Variants in WNK1 observed in about 807,000 individuals in gnomAD.
The protein encoded by WNK1 is WNK lysine deficient protein kinase 1.
WNK1 carries 38 observed loss-of-function variants against 222.8 expected under a neutral mutation model. The ratio of observed to expected loss-of-function variants is 0.17; its 90% CI spans 0.13 to 0.22. The LOEUF (loss-of-function observed/expected upper bound fraction) is 0.22, where lower values mean the gene tolerates loss of function less well. Ranked by LOEUF, WNK1 falls within the 10% of genes least tolerant of loss-of-function variation. The probability of loss-of-function intolerance (pLI) is 1.00; values close to 1 mark genes in which losing one functional copy is unlikely to be tolerated. For synonymous variants in WNK1, 1,090 were observed against 1,092.9 expected, an observed-to-expected ratio of 1.00 and a Z score of 0.05; for missense variants, 2,348 against 2,918.4, an observed-to-expected ratio of 0.80 and a Z score of 4.50.
intron 1 of WNK1, among the ~76,000 whole-genome samples, chr12:792,632 A>G (rs1213937882): frequency 6.6e-6 from 1 of 152,124 alleles, no homozygotes; most frequent in Non-Finnish European, 1.5e-5. Context: ...TATTCTTGTA[A>G]CAAAAAAGCT....
chr12:900,005 T>C (rs1310997080), intron 25 of WNK1, among the ~76,000 whole-genome samples: 1 of 139,450 alleles, frequency 7.2e-6, no homozygotes, highest in Non-Finnish European at 1.5e-5. Context: ...CTATTACCTA[T>C]GGATTCTTTT....
At chr12:878,162 A>G in intron 9 of WNK1, 50 bp from the exon 10 acceptor site, 1 of 1,611,358 alleles carries the variant, frequency 6.2e-7, no homozygotes, top group Non-Finnish European at 8.5e-7. Context: ...CCTTAGAAAC[A>G]TGCTGTTATT....
At chr12:862,592 G>A (rs183840230) in intron 8 of WNK1, among the ~76,000 whole-genome samples, 5 of 152,316 alleles carry the variant, frequency 3.3e-5, no homozygotes, top group African/African-American at 7.2e-5. Flanking sequence ...CGGGTGGGGC[G>A]AGAAGAGTTT....
intron 2 of WNK1, among the ~76,000 whole-genome samples, chr12:817,065 T>C (rs1565471688): frequency 6.6e-6 from 1 of 152,190 alleles, no homozygotes; most frequent in Non-Finnish European, 1.5e-5. Context: ...GGTCTAACGG[T>C]TAAACAGCAG....
At chr12:820,684 A>G (rs1311049355) in intron 2 of WNK1, among the ~76,000 whole-genome samples, 2 of 151,988 alleles carry the variant, frequency 1.3e-5, no homozygotes, top group Non-Finnish European at 2.9e-5. Context: ...TATATTGCTT[A>G]TGGTAGTCAC....
chr12:813,835 A>G lies in WNK1; in HGVS notation c.932+21A>G, dbSNP rs371344189. ...AAAACGTAAGTTCATCAGTATTACA[A>G]AAGCTGACCAAGAAGTATGAGAGAA... is the stretch of plus-strand genomic sequence containing the variant. On this transcript the variant is annotated intron_variant, in intron 2 of 27. Coordinates refer to ENST00000315939, the MANE Select transcript of WNK1 (RefSeq NM_018979.4). The G allele has an allele frequency of 2.5e-6, 4 of 1,612,262 alleles. No homozygotes were observed. The African/African-American group carries it at 5.3e-5, about 22-fold the overall frequency.
intron 23 of WNK1, among the ~76,000 whole-genome samples, 163 bp downstream of exon 23, chr12:894,798 T>TACTA: frequency 6.6e-6 from 1 of 152,360 alleles, no homozygotes; most frequent in South Asian, 2.1e-4. Context: ...AAGTAATATA[T>TACTA]ACTAAATAAA....
chr12:823,461 T>G (rs1163938550), intron 2 of WNK1, among the ~76,000 whole-genome samples: 1 of 152,206 alleles, frequency 6.6e-6, no homozygotes, highest in Non-Finnish European at 1.5e-5. Context: ...CTCTGCTCAT[T>G]TCTGCTCCTC....
chr12:779,332 C>T (rs1943439274), intron 1 of WNK1, among the ~76,000 whole-genome samples: 1 of 151,472 alleles, frequency 6.6e-6, no homozygotes, highest in Non-Finnish European at 1.5e-5. Flanking sequence ...TTAAAATGCA[C>T]AGACACACTA....
chr12:805,486 A>C (rs747101593), intron 1 of WNK1, among the ~76,000 whole-genome samples: 1 of 152,236 alleles, frequency 6.6e-6, no homozygotes, highest in African/African-American at 2.4e-5. Context: ...TTACACAGCT[A>C]TAACAGCAAA....
Position 844,634 on chromosome 12 carries a change from G to A in WNK1, c.1312-12527G>A, listed in dbSNP as rs147060938. On this transcript the variant is annotated intron_variant, in intron 4 of 27. Coordinates refer to ENST00000315939, the MANE Select transcript of WNK1 (RefSeq NM_018979.4). ...TGTATGCTCTACAGTCCTTAATTCT[G>A]CACTGTCCATTACCATACTTCTTGC... 8.5e-4 allele frequency among the ~76,000 whole-genome samples: 129 copies of A among 152,056 alleles called. 5 individuals carry two copies. In the East Asian group the frequency reaches 0.021, roughly 24 times the overall value.
At chr12:844,650 T>C (rs1949888095) in intron 4 of WNK1, among the ~76,000 whole-genome samples, 1 of 152,112 alleles carries the variant, frequency 6.6e-6, no homozygotes, top group Non-Finnish European at 1.5e-5. Context: ...TCCATTACCA[T>C]ACTTCTTGCC....
intron 2 of WNK1, among the ~76,000 whole-genome samples, chr12:819,853 T>G (rs1374085012): frequency 6.6e-6 from 1 of 152,212 alleles, no homozygotes; most frequent in African/African-American, 2.4e-5. Flanking sequence ...TTGGTACTCT[T>G]CTCAAAAATT....
chr12:881,625 G>T lies in WNK1; in HGVS notation c.3112-67G>T, dbSNP rs1953169052. 7 of 1,308,782 alleles carry T rather than the reference G, an allele frequency of 5.3e-6. No homozygotes were observed. The Admixed American group carries it at 1.2e-4, about 22-fold the overall frequency. The allele number at this position is 1,308,782 out of a possible 1,614,324, so 81.1% of individuals were successfully genotyped here. A position where few individuals can be genotyped will look rare whatever the true frequency, so the allele number is the denominator to read the frequency against. On this transcript the variant is annotated intron_variant, in intron 12 of 27. Coordinates refer to ENST00000315939, the MANE Select transcript of WNK1 (RefSeq NM_018979.4). ...GGAGGGATAAGGAAAAAAATAAGTAGATTATTGGGGATAGTGAATGATAAA... is the reference window on the plus strand; with the variant it reads ...GGAGGGATAAGGAAAAAAATAAGTATATTATTGGGGATAGTGAATGATAAA...
intron 9 of WNK1, among the ~76,000 whole-genome samples, chr12:873,657 A>G (rs987137887): frequency 8.5e-5 from 13 of 152,168 alleles, no homozygotes; most frequent in African/African-American, 2.2e-4. Flanking sequence ...TGATTCTGCA[A>G]ATGTACCTCA....
intron 1 of WNK1, among the ~76,000 whole-genome samples, chr12:773,208 A>T (rs1314800680): frequency 1.3e-5 from 2 of 152,074 alleles, no homozygotes; most frequent in Non-Finnish European, 2.9e-5. Context: ...CGGTGAGCTG[A>T]GATTGCGCCA....
intron 11 of WNK1, 132 bp downstream of exon 11, chr12:880,163 A>C (rs940689158): frequency 7.9e-6 from 7 of 885,892 alleles, no homozygotes; most frequent in Middle Eastern, 2.7e-4. Context: ...AAAATAGTAA[A>C]ATTCTGAGAA....
intron 8 of WNK1, chr12:869,285 T>C (rs530427913): frequency 2.5e-6 from 2 of 794,520 alleles, no homozygotes; most frequent in African/African-American, 3.4e-5. Flanking sequence ...AAACAAAATG[T>C]GAGAGAAGCT....
At chr12:877,807 G>A (rs1952766042) in intron 9 of WNK1, among the ~76,000 whole-genome samples, 1 of 152,136 alleles carries the variant, frequency 6.6e-6, no homozygotes, top group African/African-American at 2.4e-5. Flanking sequence ...AAAGATTAAA[G>A]GAAGCTATTG....
Sources: allele counts gnomAD v4.1 joint callset (sites outside exome capture counted in the v4.1 genomes callset), GRCh38; gene constraint gnomAD v4.1.1; transcripts MANE v1.5; gene names NCBI Gene and HGNC (gene_info 2026-07-23, HGNC 2026-07-21).